CCPG1: variants seen among roughly 807,000 people sequenced by gnomAD.
CCPG1 encodes cell cycle progression 1, also known as cell cycle progression protein 1.
CCPG1 carries 46 observed loss-of-function variants against 81.3 expected under a neutral mutation model. The ratio of observed to expected loss-of-function variants is 0.57; its 90% CI spans 0.45 to 0.72. The LOEUF is 0.72. CCPG1 is among the 30% of genes least tolerant of loss of function. The pLI, the probability that CCPG1 is intolerant of heterozygous loss-of-function variation, is 0.00. For missense variants in CCPG1, 902 were observed against 937.6 expected, an observed-to-expected ratio of 0.96 and a Z score of 0.50; for synonymous variants, 330 against 305.2, an observed-to-expected ratio of 1.08 and a Z score of -0.85.
rs2057277701 is a variant in CCPG1 at position 55,408,284 on chromosome 15, C to G, written c.-73G>C. ...TGCCCCAGTGGCGGCGGTCACAGCT[C>G]GGGCGCCAATGACGCCTCTTATAAA... On this transcript the variant is annotated 5_prime_UTR_variant, in exon 1 of 9. Coordinates refer to ENST00000442196, the MANE Select transcript of CCPG1 (RefSeq NM_001204450.2). 6.5e-6 allele frequency: 1 copy of G among 153,854 alleles called. No individual in the cohort carries two copies. The highest frequency in any genetic ancestry group is 1.9e-4 in the South Asian group (1 of 5,186). 9.5% of individuals were successfully genotyped at this position (153,854 alleles called of 1,614,324 possible).
At chr15:55,404,463 A>G (rs547064115) in intron 1 of CCPG1, among the ~76,000 whole-genome samples, 1 of 152,334 alleles carries the variant, frequency 6.6e-6, no homozygotes, top group South Asian at 2.1e-4. Flanking sequence ...CAACATAACC[A>G]TAACAAAAAA....
intron 6 of CCPG1, 101 bp from the exon 7 acceptor site, chr15:55,365,410 C>CTTTTTTTTGTTTTT: frequency 1.1e-5 from 6 of 546,638 alleles, no homozygotes; most frequent in Non-Finnish European, 1.5e-5. Flanking sequence ...GCTATGTAGT[C>CTTTTTTTTGTTTTT]TTTTTTTTGT....
At chr15:55,383,219 C>G (rs1023245441) in intron 3 of CCPG1, among the ~76,000 whole-genome samples, 1 of 152,192 alleles carries the variant, frequency 6.6e-6, no homozygotes, top group Non-Finnish European at 1.5e-5. Flanking sequence ...CGGTGATTGA[C>G]CAGGTATTGC....
chr15:55,406,352 A>T (rs2057219757), intron 1 of CCPG1, among the ~76,000 whole-genome samples: 1 of 151,902 alleles, frequency 6.6e-6, no homozygotes, highest in South Asian at 2.1e-4. Flanking sequence ...AAAATACAGG[A>T]AAGTACAAGA....
At chr15:55,398,122 A>G (rs1309336924) in intron 1 of CCPG1, 1 of 152,218 alleles carries the variant, frequency 6.6e-6, no homozygotes, top group Non-Finnish European at 1.5e-5. Context: ...TAAATAAGTC[A>G]TTTAAAAACA....
At chr15:55,382,940 T>C (rs1260091260) in intron 3 of CCPG1, among the ~76,000 whole-genome samples, 1 of 152,212 alleles carries the variant, frequency 6.6e-6, no homozygotes, top group African/African-American at 2.4e-5. Flanking sequence ...TTAATGTTGA[T>C]ATTTTGACCT....
At chr15:55,384,204 A>G (rs1260257898) in intron 3 of CCPG1, among the ~76,000 whole-genome samples, 1 of 152,094 alleles carries the variant, frequency 6.6e-6, no homozygotes, top group Non-Finnish European at 1.5e-5. Context: ...GAGATGGGGG[A>G]ATGGCAAGTC....
chr15:55,407,143 G>T lies in CCPG1; in HGVS notation c.-10+1078C>A, dbSNP rs1297883588. Among the ~76,000 whole-genome samples, 8 of 151,092 alleles carry T rather than the reference G, an allele frequency of 5.3e-5. 1 individual carries two copies. The highest frequency in any genetic ancestry group is 1.7e-4 in the African/African-American group (7 of 41,146). On this transcript the variant is annotated intron_variant, in intron 1 of 8. Transcript: ENST00000442196. ...CTCGGGAGGCTGAGGCAGGAGAATC[G>T]TTTGAAACTGGAAGGCAGAGGTTGC...
chr15:55,356,473 T>C, intron 8 of CCPG1, 64 bp from the exon 9 acceptor site: 1 of 1,361,186 alleles, frequency 7.3e-7, no homozygotes, highest in Non-Finnish European at 9.7e-7. Flanking sequence ...TTAAAACAAT[T>C]TTAAATGTTT....
At chr15:55,391,069 C>T (rs1327904255) in intron 1 of CCPG1, among the ~76,000 whole-genome samples, 1 of 152,146 alleles carries the variant, frequency 6.6e-6, no homozygotes. Context: ...ATATTAACCA[C>T]GTTTATATCT....
At chr15:55,399,138 GA>G (rs1053202204) in intron 1 of CCPG1, among the ~76,000 whole-genome samples, 2 of 152,074 alleles carry the variant, frequency 1.3e-5, no homozygotes, top group Non-Finnish European at 2.9e-5. Context: ...GTGCCATGGA[GA>G]AAAAAGTGAG....
chr15:55,379,924 C>A (rs1227858026), intron 3 of CCPG1, among the ~76,000 whole-genome samples: 2 of 151,538 alleles, frequency 1.3e-5, no homozygotes, highest in African/African-American at 4.8e-5. Context: ...CACGGTGAAA[C>A]CCCGTTTCTA....
chr15:55,395,236 C>T (rs1335866632), intron 1 of CCPG1, among the ~76,000 whole-genome samples: 5 of 151,694 alleles, frequency 3.3e-5, no homozygotes, highest in African/African-American at 1.2e-4. Context: ...AACAGGCTTA[C>T]TAAAGAACCC....
chr15:55,389,986 C>T (rs920936628), intron 1 of CCPG1, among the ~76,000 whole-genome samples: 1 of 152,220 alleles, frequency 6.6e-6, no homozygotes, highest in Non-Finnish European at 1.5e-5. Flanking sequence ...TGCGGTGGCA[C>T]GATCTCGACT....
At chr15:55,373,342 C>G (rs1385305019) in intron 5 of CCPG1, among the ~76,000 whole-genome samples, 1 of 152,164 alleles carries the variant, frequency 6.6e-6, no homozygotes, top group Non-Finnish European at 1.5e-5. Flanking sequence ...AACAAACATT[C>G]ATGCTCCAGA....
intron 3 of CCPG1, among the ~76,000 whole-genome samples, chr15:55,384,623 C>G (rs921824560): frequency 6.6e-5 from 10 of 151,962 alleles, no homozygotes; most frequent in African/African-American, 2.4e-4. Flanking sequence ...CCATTGCACT[C>G]CAGCATGGGA....
In CCPG1 at chr15:55,359,362, G is replaced by T. The variant is rs553316876; in HGVS notation, c.2234+177C>A. On this transcript the variant is annotated intron_variant, in intron 8 of 8. Transcript: ENST00000442196. ...CACGTTATAATGAAATGTTCCATTT[G>T]TAACAGCTAATAATTTTTAGACTCC... 7 of 1,372,214 alleles carry T rather than the reference G, an allele frequency of 5.1e-6. No homozygotes were observed. The South Asian group carries it at 1.2e-4, about 24-fold the overall frequency. The allele number at this position is 1,372,214 out of a possible 1,614,324, so 85.0% of individuals were successfully genotyped here.
rs1264695123 is a variant in CCPG1 at position 55,360,287 on chromosome 15, T to C, written c.1486A>G (p.Met496Val). The C allele has an allele frequency of 6.2e-7, 1 of 1,613,966 alleles. No individual in the cohort carries two copies. The highest frequency in any genetic ancestry group is 8.5e-7 in the Non-Finnish European group (1 of 1,180,016). ...LGSVKETFDA[M>V]KNSTKEFVRH... ...ACAAACTCCTTGGTAGAATTCTTCATGGCATCAAATGTTTCCTTAACTGAA... is the reference window on the plus strand; with the variant it reads ...ACAAACTCCTTGGTAGAATTCTTCACGGCATCAAATGTTTCCTTAACTGAA... Residue 496 changes from methionine (M) to valine (V), a missense_variant, in exon 8 of 9, where the codon ATG (methionine) becomes GTG (valine). Coordinates refer to ENST00000442196, the MANE Select transcript of CCPG1 (RefSeq NM_001204450.2).
intron 4 of CCPG1, 71 bp downstream of exon 4, chr15:55,378,229 A>G (rs986934805): frequency 2.6e-5 from 24 of 929,674 alleles, no homozygotes; most frequent in Non-Finnish European, 3.5e-5. Context: ...GCATAAATAG[A>G]ATTAGAGGCT....
Sources: gnomAD v4.1 joint callset for allele counts (sites outside exome capture counted in the v4.1 genomes callset) on GRCh38, gnomAD v4.1.1 for gene constraint, MANE v1.5 for transcripts, NCBI Gene and HGNC (gene_info 2026-07-23, HGNC 2026-07-21) for gene names.